NRXN3: variants seen among roughly 807,000 people sequenced by gnomAD.
NRXN3 encodes the protein neurexin III.
Under a neutral mutation model 137.6 loss-of-function variants are expected in NRXN3, and 32 were observed. The observed-to-expected ratio is 0.23, with a 90% CI of 0.18 to 0.31. The LOEUF (loss-of-function observed/expected upper bound fraction) is 0.31. Among genes scored for constraint, NRXN3 ranks in the 10% least tolerant of loss-of-function variants. The pLI is 1.00. For missense variants in NRXN3, 1,574 were observed against 2,062.5 expected (o/e 0.76, Z 4.59); for synonymous variants, 798 against 784.5 (o/e 1.02, Z -0.29).
At chr14:78,456,037 A>G (rs915156471) in intron 4 of NRXN3, among the ~76,000 whole-genome samples, 2 of 152,212 alleles carry the variant, frequency 1.3e-5, no homozygotes, top group Non-Finnish European at 2.9e-5. Flanking sequence ...CTAAACACAC[A>G]GCACGCCTCA....
At chr14:79,523,035 T>C (rs552555327) in intron 16 of NRXN3, among the ~76,000 whole-genome samples, 1 of 152,320 alleles carries the variant, frequency 6.6e-6, no homozygotes, top group East Asian at 1.9e-4. Flanking sequence ...CCTAGCTGAA[T>C]AGCATTACAG....
At chr14:79,672,495 T>A (rs1010803838) in intron 17 of NRXN3, among the ~76,000 whole-genome samples, 2 of 152,044 alleles carry the variant, frequency 1.3e-5, no homozygotes, top group Admixed American at 1.3e-4. Flanking sequence ...TGAAATAGTG[T>A]GACATAAATA....
chr14:78,394,189 G>A (rs983671192), intron 4 of NRXN3, among the ~76,000 whole-genome samples: 1 of 152,044 alleles, frequency 6.6e-6, no homozygotes, highest in East Asian at 1.9e-4. Flanking sequence ...TAAGGGCAAA[G>A]CATTCAGTCA....
chr14:79,376,212 ATG>A (rs1566949759), intron 15 of NRXN3, among the ~76,000 whole-genome samples: 370 of 25,028 alleles, frequency 0.015, 9 homozygotes, highest in African/African-American at 0.065. Context: ...GTGTGTGTGT[ATG>A]TATATATATA....
intron 15 of NRXN3, among the ~76,000 whole-genome samples, chr14:79,009,815 G>A (rs10132523): frequency 0.049 from 7,379 of 152,134 alleles, 645 homozygotes; most frequent in African/African-American, 0.17. Context: ...CATCTCTCTC[G>A]GTTACAAATG....
At chr14:78,890,697 A>G (rs1473710401) in intron 10 of NRXN3, among the ~76,000 whole-genome samples, 1 of 151,982 alleles carries the variant, frequency 6.6e-6, no homozygotes, top group Admixed American at 6.6e-5. Context: ...GGGAAGGTCC[A>G]ATCCTATAGA....
At chr14:79,319,624 T>A (rs2089608396) in intron 15 of NRXN3, among the ~76,000 whole-genome samples, 1 of 152,242 alleles carries the variant, frequency 6.6e-6, no homozygotes, top group Non-Finnish European at 1.5e-5. Flanking sequence ...GTGTGAGATG[T>A]GGTCTTCTAG....
rs1168996941 is a variant in NRXN3, at chr14:78,297,308, TC to T, written c.728-522del. On this transcript the variant is annotated intron_variant, in intron 3 of 20. Transcript: ENST00000335750. ...GATTCAATTTTTGTAGAAAAGACTA[TC>T]TAGAGAAAAAAAAGTTGGATGGTAG... Among the ~76,000 whole-genome samples, 4 of 152,112 alleles carry T rather than the reference TC, an allele frequency of 2.6e-5. No homozygotes were observed. In the East Asian group the frequency reaches 7.7e-4, roughly 29 times the overall value.
At chr14:79,793,502 C>G (rs2099151877) in intron 19 of NRXN3, among the ~76,000 whole-genome samples, 2 of 152,182 alleles carry the variant, frequency 1.3e-5, no homozygotes. Flanking sequence ...GGAACATAAT[C>G]TATTTGTCAT....
At chr14:78,232,454 C>T (rs1596192558) in intron 1 of NRXN3, among the ~76,000 whole-genome samples, 1 of 148,660 alleles carries the variant, frequency 6.7e-6, no homozygotes, top group African/African-American at 2.5e-5. Context: ...TGATTTTTTT[C>T]CCCCTCTTTG....
intron 1 of NRXN3, among the ~76,000 whole-genome samples, chr14:78,183,354 C>G (rs2059976853): frequency 6.6e-6 from 1 of 152,152 alleles, no homozygotes; most frequent in South Asian, 2.1e-4. Context: ...TGCGTGGTGC[C>G]TACTGGAACA....
intron 16 of NRXN3, among the ~76,000 whole-genome samples, chr14:79,573,851 G>A (rs9652379): frequency 0.15 from 22,135 of 151,920 alleles, 2,003 homozygotes; most frequent in African/African-American, 0.26. Flanking sequence ...AGAATACTAA[G>A]TGGTTTCAAA....
intron 15 of NRXN3, among the ~76,000 whole-genome samples, chr14:79,242,571 T>TAAAG (rs2074480018): frequency 6.6e-6 from 1 of 152,150 alleles, no homozygotes; most frequent in Non-Finnish European, 1.5e-5. Flanking sequence ...GGTTGTTACC[T>TAAAG]CCAGCGAGGA....
chr14:79,430,972 T>C (rs146956331), intron 15 of NRXN3, among the ~76,000 whole-genome samples: 60 of 152,280 alleles, frequency 3.9e-4, no homozygotes, highest in African/African-American at 1.3e-3. Context: ...CCACATAGCT[T>C]TGTGACTCCT....
chr14:79,502,675 G>T (rs766765415), intron 16 of NRXN3, among the ~76,000 whole-genome samples: 3 of 152,050 alleles, frequency 2.0e-5, no homozygotes, highest in Non-Finnish European at 4.4e-5. Flanking sequence ...CTGAGCCTGT[G>T]TCTGCCTCCT....
At chr14:79,373,541 T>C (rs1193196724) in intron 15 of NRXN3, among the ~76,000 whole-genome samples, 1 of 152,244 alleles carries the variant, frequency 6.6e-6, no homozygotes, top group Non-Finnish European at 1.5e-5. Context: ...GTTTCATTTC[T>C]ATTTACCTAC....
chr14:79,238,681 T>A (rs924404556), intron 15 of NRXN3, among the ~76,000 whole-genome samples: 7 of 152,148 alleles, frequency 4.6e-5, no homozygotes, highest in Non-Finnish European at 1.0e-4. Context: ...AGGTCAAGAA[T>A]CTGCATTTTT....
At chr14:78,408,116 A>G (rs143258585) in intron 4 of NRXN3, among the ~76,000 whole-genome samples, 218 of 152,278 alleles carry the variant, frequency 1.4e-3, no homozygotes, top group Middle Eastern at 3.4e-3. Flanking sequence ...TCTCATGAAG[A>G]TGTTTAACAA....
At chr14:78,778,753 T>C (rs2098755479) in intron 8 of NRXN3, among the ~76,000 whole-genome samples, 2 of 127,594 alleles carry the variant, frequency 1.6e-5, no homozygotes, top group Non-Finnish European at 3.3e-5. Context: ...TTTCTTTCCT[T>C]CTTTCTCTTT....
Sources: gnomAD v4.1 joint callset for allele counts (sites outside exome capture counted in the v4.1 genomes callset) on GRCh38, gnomAD v4.1.1 for gene constraint, MANE v1.5 for transcripts, NCBI Gene and HGNC (gene_info 2026-07-23, HGNC 2026-07-21) for gene names.